Variants in ZNF468 observed in about 807,000 individuals in gnomAD.
ZNF468 encodes zinc finger protein ZNF468.
Under a neutral mutation model 7.2 loss-of-function variants are expected in ZNF468, and 8 were observed. That is an observed-to-expected ratio of 1.11 (90% CI 0.65 to 2.01). ZNF468 has a LOEUF of 2.01. Ranked by LOEUF, ZNF468 falls within the 30% of genes most tolerant of loss-of-function variation. The pLI, the probability that ZNF468 is intolerant of heterozygous loss-of-function variation, is 0.00. For missense variants in ZNF468, 608 were observed against 626.5 expected (o/e 0.97, Z 0.31); for synonymous variants, 218 against 214.4 (o/e 1.02, Z -0.15).
chr19:52,841,272 T>C lies in ZNF468; in HGVS notation c.1022A>G (p.Tyr341Cys), dbSNP rs2063296447. The change falls in exon 4 of 4, where the codon TAT becomes TGT. Residue 341 changes from tyrosine (Y) to cysteine (C), a missense_variant. Coordinates refer to ENST00000595646, the MANE Select transcript of ZNF468 (RefSeq NM_001008801.2). The part of the protein sequence containing the change: ...VCDEAFAYNS[Y>C]LAKHTILHTG... ...GTGAAGTATAGTATGTTTTGCCAGA[T>C]ATGAATTATATGCGAAAGCCTCATC... 5 of 1,613,846 alleles carry C rather than the reference T, an allele frequency of 3.1e-6. No homozygotes were observed. In the African/African-American group the frequency reaches 5.3e-5, roughly 17 times the overall value.
At chr19:52,844,113 T>G (rs2063325779) in intron 3 of ZNF468, among the ~76,000 whole-genome samples, 1 of 151,966 alleles carries the variant, frequency 6.6e-6, no homozygotes, top group Admixed American at 6.6e-5. Context: ...GGATGAGACT[T>G]TGTCTCAAAG....
chr19:52,856,461 G>A (rs56905047), intron 1 of ZNF468, among the ~76,000 whole-genome samples: 43,640 of 104,016 alleles, frequency 0.42, 8,390 homozygotes, highest in Admixed American at 0.5. Context: ...ATAGATTTCT[G>A]CCTCTTCTCC....
intron 3 of ZNF468, among the ~76,000 whole-genome samples, chr19:52,845,551 G>T (rs1302110056): frequency 1.3e-5 from 2 of 151,930 alleles, no homozygotes; most frequent in Non-Finnish European, 2.9e-5. Flanking sequence ...CGCAGCTACT[G>T]GAGAGGCTGA....
At chr19:52,849,869 C>T (rs1411223320) in intron 2 of ZNF468, among the ~76,000 whole-genome samples, 1 of 151,968 alleles carries the variant, frequency 6.6e-6, no homozygotes, top group African/African-American at 2.4e-5. Flanking sequence ...CGCCAGGGCA[C>T]TCAAGCCTGG....
At position 52,840,028 on chromosome 19, in the gene ZNF468, T is replaced by C. The variant is rs750963896; in HGVS notation, c.*697A>G. On this transcript the variant is annotated 3_prime_UTR_variant, in exon 4 of 4. Transcript: ENST00000595646. ...CCCACTAAAGGGTTTGCCACACTCA[T>C]TGCACTTGTAAGGTTTCTCTCCAGT... 2.1e-5 allele frequency: 28 copies of C among 1,303,478 alleles called. No homozygotes were observed. The highest frequency in any genetic ancestry group is 9.0e-5 in the African/African-American group (6 of 66,558). The allele number at this position is 1,303,478 out of a possible 1,614,324, so 80.7% of individuals were successfully genotyped here.
chr19:52,840,035 T>A lies in ZNF468; in HGVS notation c.*690A>T, dbSNP rs532688167. The A allele has an allele frequency of 2.9e-5, 37 of 1,294,114 alleles. No homozygotes were observed. Among genetic ancestry groups the A allele is most frequent in the East Asian group, 6.9e-5 (2 of 28,882 alleles). The allele number at this position is 1,294,114 out of a possible 1,614,324, so 80.2% of individuals were successfully genotyped here. On this transcript the variant is annotated 3_prime_UTR_variant, in exon 4 of 4. Coordinates refer to ENST00000595646, the MANE Select transcript of ZNF468 (RefSeq NM_001008801.2). ...AAGGGTTTGCCACACTCATTGCACTTGTAAGGTTTCTCTCCAGTGTGAATT... is the reference window on the plus strand; with the variant it reads ...AAGGGTTTGCCACACTCATTGCACTAGTAAGGTTTCTCTCCAGTGTGAATT...
chr19:52,857,067 T>C (rs2063446709), intron 1 of ZNF468, among the ~76,000 whole-genome samples: 3 of 151,358 alleles, frequency 2.0e-5, no homozygotes, highest in Non-Finnish European at 1.5e-5. Flanking sequence ...ACGCGGTGAC[T>C]GCGGAGGGGA....
chr19:52,842,206 C>T (rs2063310055), intron 3 of ZNF468, 55 bp from the exon 4 acceptor site: 2 of 1,385,584 alleles, frequency 1.4e-6, no homozygotes, highest in Admixed American at 2.4e-5. Flanking sequence ...GTATATAATA[C>T]TGAAATGTGT....
At chr19:52,847,305 A>G (rs1568679065) in intron 3 of ZNF468, among the ~76,000 whole-genome samples, 1 of 151,786 alleles carries the variant, frequency 6.6e-6, no homozygotes, top group Admixed American at 6.6e-5. Context: ...AAGTCATGCC[A>G]TTCTCCATTC....
At chr19:52,852,672 T>A (rs1255501790) in intron 2 of ZNF468, among the ~76,000 whole-genome samples, 1 of 151,496 alleles carries the variant, frequency 6.6e-6, no homozygotes, top group African/African-American at 2.4e-5. Context: ...TGAGACTCCA[T>A]CTCAAAAAAA....
At chr19:52,853,167 T>A (rs2063404822) in intron 2 of ZNF468, among the ~76,000 whole-genome samples, 1 of 152,082 alleles carries the variant, frequency 6.6e-6, no homozygotes, top group Non-Finnish European at 1.5e-5. Context: ...GAATTTTTTT[T>A]AAAGTCTCAT....
rs1018274864 is a variant in ZNF468, at chr19:52,838,778, T to C, written c.*1947A>G. On this transcript the variant is annotated 3_prime_UTR_variant, in exon 4 of 4. Coordinates refer to ENST00000595646, the MANE Select transcript of ZNF468 (RefSeq NM_001008801.2). ...AGTAAGAAATATTTAGGAATAAACA[T>C]AAAAAGTGAGGTTTGTACCTTGAAA... is the stretch of plus-strand genomic sequence containing the variant. 1 of 152,180 alleles carries C rather than the reference T, an allele frequency of 6.6e-6. No homozygotes were observed. The highest frequency in any genetic ancestry group is 1.5e-5 in the Non-Finnish European group (1 of 68,020). The allele number at this position is 152,180 out of a possible 1,614,324, so 9.4% of individuals were successfully genotyped here.
At position 52,841,195 on chromosome 19, in the gene ZNF468, G is replaced by T; in HGVS notation, c.1099C>A (p.Leu367Ile). 2 of 1,611,356 alleles carry T rather than the reference G, an allele frequency of 1.2e-6. No individual in the cohort carries two copies. The highest frequency in any genetic ancestry group is 1.7e-5 in the Admixed American group (1 of 59,732). The change falls in exon 4 of 4, where the codon CTA becomes ATA. Residue 367 changes from leucine (L) to isoleucine (I), a missense_variant. Leu to Ile is a conservative substitution (Grantham distance 5). Transcript: ENST00000595646. ...CTATGATGGCGTGCAAGGGTTGATA[G>T]TCGATTAAAAACTTTGCCACATTCA... ...CNECGKVFNRLSTLARHHRLH... is the reference protein window; with the variant it reads ...CNECGKVFNRISTLARHHRLH...
At position 52,854,534 on chromosome 19, in the gene ZNF468, G is replaced by C. The variant is rs564827123; in HGVS notation, c.-73-189C>G. On this transcript the variant is annotated intron_variant, in intron 1 of 3. Transcript: ENST00000595646. ...TGGAGAAGCCCACACACACGCTGCA[G>C]CAGTGGGGAGCTGGGCTGGGATGAG... is the stretch of plus-strand genomic sequence containing the variant. Among the ~76,000 whole-genome samples the C allele has an allele frequency of 2.6e-5, 4 of 152,262 alleles. No individual in the cohort carries two copies. In the South Asian group the frequency reaches 8.3e-4, roughly 32 times the overall value.
At position 52,841,477 on chromosome 19, in the gene ZNF468, A is replaced by G; in HGVS notation, c.817T>C (p.Cys273Arg). Reference sequence around the variant, plus strand: ...CCAAAGGTCTTGCCACACTCATTACACTTGTAAGGTTTCTCACCAGTGTGA... The same window carrying G: ...CCAAAGGTCTTGCCACACTCATTACGCTTGTAAGGTTTCTCACCAGTGTGA... ...RCHTGEKPYK[C>R]NECGKTFGHN... Residue 273 changes from cysteine (C) to arginine (R), a missense_variant, in exon 4 of 4, where the codon TGT (cysteine) becomes CGT (arginine). Cys to Arg is a radical substitution (Grantham distance 180). Coordinates refer to ENST00000595646, the MANE Select transcript of ZNF468 (RefSeq NM_001008801.2). 1 of 1,614,108 alleles carries G rather than the reference A, an allele frequency of 6.2e-7. No individual in the cohort carries two copies. The highest frequency in any genetic ancestry group is 8.5e-7 in the Non-Finnish European group (1 of 1,179,984).
At chr19:52,850,778 A>G (rs1248963247) in intron 2 of ZNF468, among the ~76,000 whole-genome samples, 6 of 151,882 alleles carry the variant, frequency 4.0e-5, no homozygotes, top group South Asian at 2.1e-4. Flanking sequence ...GGGCGCCTGT[A>G]GTCCCAGCTA....
At chr19:52,855,709 G>A (rs1380562263) in intron 1 of ZNF468, among the ~76,000 whole-genome samples, 1 of 151,612 alleles carries the variant, frequency 6.6e-6, no homozygotes, top group Non-Finnish European at 1.5e-5. Context: ...TCATTTTTGG[G>A]GTACTGCATC....
intron 2 of ZNF468, among the ~76,000 whole-genome samples, chr19:52,850,922 T>A (rs1407526738): frequency 2.7e-5 from 4 of 150,240 alleles, no homozygotes; most frequent in Non-Finnish European, 5.9e-5. Context: ...ATAATAAATA[T>A]ATATATATAT....
intron 2 of ZNF468, among the ~76,000 whole-genome samples, chr19:52,850,733 A>G (rs2063381283): frequency 2.0e-5 from 3 of 151,642 alleles, no homozygotes; most frequent in African/African-American, 7.3e-5. Context: ...CCCCATCTCT[A>G]CTAAAAATAC....
Sources: gnomAD v4.1 joint callset for allele counts (sites outside exome capture counted in the v4.1 genomes callset) on GRCh38, gnomAD v4.1.1 for gene constraint, MANE v1.5 for transcripts, NCBI Gene and HGNC (gene_info 2026-07-23, HGNC 2026-07-21) for gene names.